Variants in DLAT observed in about 807,000 individuals in gnomAD.
DLAT encodes the protein dihydrolipoamide S-acetyltransferase.
DLAT carries 43 observed loss-of-function variants against 68.0 expected under a neutral mutation model. The observed-to-expected ratio is 0.63, with a 90% CI of 0.50 to 0.81. DLAT has a LOEUF of 0.81. Among genes scored for constraint, DLAT ranks in the 40% least tolerant of loss-of-function variants. The pLI is 0.00. For missense variants in DLAT, 745 were observed against 815.4 expected (o/e 0.91, Z 1.05); for synonymous variants, 265 against 288.6 (o/e 0.92, Z 0.83).
At chr11:112,029,888 G>A in intron 4 of DLAT, 1 of 656,302 alleles carries the variant, frequency 1.5e-6, no homozygotes, top group East Asian at 3.9e-5. Context: ...TATTGTTGGG[G>A]CCTGTGGGAA....
chr11:112,040,168 G>A (rs1862977572), intron 7 of DLAT, among the ~76,000 whole-genome samples: 2 of 152,114 alleles, frequency 1.3e-5, no homozygotes, highest in Non-Finnish European at 2.9e-5. Context: ...GCTTAAATAA[G>A]TTTTTTTGAA....
At chr11:112,054,242 G>T (rs1459557294) in intron 11 of DLAT, among the ~76,000 whole-genome samples, 2 of 152,126 alleles carry the variant, frequency 1.3e-5, no homozygotes, top group Admixed American at 1.3e-4. Flanking sequence ...CTTGAACCTG[G>T]GAGGCGGAGG....
At chr11:112,049,842 G>A (rs1863517016) in intron 10 of DLAT, among the ~76,000 whole-genome samples, 1 of 152,156 alleles carries the variant, frequency 6.6e-6, no homozygotes, top group Non-Finnish European at 1.5e-5. Context: ...TGCAAATAGA[G>A]ATAATTTTAC....
At chr11:112,053,485 T>C (rs112026963) in intron 11 of DLAT, among the ~76,000 whole-genome samples, 12,595 of 152,148 alleles carry the variant, frequency 0.083, 1,552 homozygotes, top group African/African-American at 0.26. Flanking sequence ...CAGAGTCTCT[T>C]TCTGTCGCCT....
chr11:112,058,792 G>C (rs1490586622), intron 11 of DLAT, among the ~76,000 whole-genome samples: 1 of 151,640 alleles, frequency 6.6e-6, no homozygotes, highest in African/African-American at 2.4e-5. Flanking sequence ...ATGTTATTTT[G>C]TTCATCCCTG....
intron 7 of DLAT, 122 bp downstream of exon 7, chr11:112,039,519 TA>T: frequency 9.8e-7 from 1 of 1,024,184 alleles, no homozygotes; most frequent in Admixed American, 1.9e-5. Flanking sequence ...GGACAATCAT[TA>T]ATAATTCCTT....
intron 4 of DLAT, chr11:112,032,488 A>G (rs1003188557): frequency 1.3e-5 from 2 of 151,906 alleles, no homozygotes; most frequent in East Asian, 1.9e-4. Flanking sequence ...TCACCAAATA[A>G]TGTTTTTTTT....
intron 12 of DLAT, among the ~76,000 whole-genome samples, chr11:112,060,391 A>G (rs1445572789): frequency 5.3e-5 from 8 of 151,472 alleles, no homozygotes; most frequent in African/African-American, 1.7e-4. Flanking sequence ...TGATCTCCTG[A>G]CCTTGTGATC....
At chr11:112,038,845 CAAAT>C (rs1862905460) in intron 6 of DLAT, among the ~76,000 whole-genome samples, 1 of 133,876 alleles carries the variant, frequency 7.5e-6, no homozygotes, top group Non-Finnish European at 1.6e-5. Context: ...GACTCTGTCT[CAAAT>C]AAAAAGAAAA....
intron 12 of DLAT, among the ~76,000 whole-genome samples, chr11:112,060,775 A>G (rs1186924925): frequency 1.3e-5 from 2 of 152,064 alleles, no homozygotes; most frequent in Non-Finnish European, 2.9e-5. Context: ...CTGCCACGTA[A>G]CTCTTATTGA....
chr11:112,040,192 A>C (rs1174475827), intron 7 of DLAT, among the ~76,000 whole-genome samples: 3 of 152,178 alleles, frequency 2.0e-5, no homozygotes, highest in Non-Finnish European at 2.9e-5. Flanking sequence ...AACTTAAGCT[A>C]AAATTTAGTG....
At chr11:112,031,408 T>C (rs1204286334) in intron 4 of DLAT, among the ~76,000 whole-genome samples, 1 of 152,056 alleles carries the variant, frequency 6.6e-6, no homozygotes, top group Non-Finnish European at 1.5e-5. Flanking sequence ...TTACCCCTGG[T>C]TTTTTATTTT....
In DLAT at chr11:112,051,705, T is replaced by G. The variant is rs1863646111; in HGVS notation, c.1514+356T>G. Among the ~76,000 whole-genome samples the G allele has an allele frequency of 6.6e-6, 1 of 152,138 alleles. No individual in the cohort carries two copies. Among genetic ancestry groups the G allele is most frequent in the Non-Finnish European group, 1.5e-5 (1 of 68,020 alleles). ...CTGGGATTTCAGGTGTGAGCCACAG[T>G]GTCCAGCCTGCGATATTGCTGGATT... On this transcript the variant is annotated intron_variant, in intron 11 of 13. Transcript: ENST00000280346. This position sits in a 1 kb window ranked among gnomAD's most constrained non-coding sequence, Gnocchi z 4.3.
chr11:112,059,850 C>T lies in DLAT; in HGVS notation c.1515-53C>T, dbSNP rs1452636290. ...ATAAATATTCTTGCTTAACCTGGCA[C>T]ACAGGCTCTTAATAAACAGTTTTTT... is the stretch of plus-strand genomic sequence containing the variant. On this transcript the variant is annotated intron_variant, in intron 11 of 13. Transcript: ENST00000280346. The T allele has an allele frequency of 4.1e-6, 6 of 1,447,582 alleles. 1 individual carries two copies. Among genetic ancestry groups the T allele is most frequent in the South Asian group, 2.6e-5 (2 of 76,460 alleles). 89.7% of individuals were successfully genotyped at this position (1,447,582 alleles called of 1,614,324 possible).
chr11:112,041,798 C>T lies in DLAT; in HGVS notation c.1130-1668C>T, dbSNP rs587640481. Among the ~76,000 whole-genome samples the T allele has an allele frequency of 1.2e-3, 184 of 151,964 alleles. 1 individual carries two copies. Among genetic ancestry groups the T allele is most frequent in the African/African-American group, 3.9e-3 (161 of 41,452 alleles). ...TCGGGAGGCTGAGGCAGGAGAATGGCGTGAACCTGGGAGGCCAAACTTGCA... is the reference window on the plus strand; with the variant it reads ...TCGGGAGGCTGAGGCAGGAGAATGGTGTGAACCTGGGAGGCCAAACTTGCA... On this transcript the variant is annotated intron_variant, in intron 7 of 13. Coordinates refer to ENST00000280346, the MANE Select transcript of DLAT (RefSeq NM_001931.5).
chr11:112,048,200 A>G (rs1863426220), intron 10 of DLAT, among the ~76,000 whole-genome samples: 1 of 152,074 alleles, frequency 6.6e-6, no homozygotes, highest in South Asian at 2.1e-4. Context: ...TGTAAGTTGT[A>G]TTCCTAGGTA....
intron 4 of DLAT, chr11:112,030,337 G>A (rs1047977209): frequency 6.1e-6 from 3 of 489,952 alleles, no homozygotes; most frequent in Non-Finnish European, 4.1e-6. Context: ...AACACCATGG[G>A]GTTAGCAGGG....
intron 4 of DLAT, chr11:112,030,007 C>T: frequency 1.9e-6 from 2 of 1,042,038 alleles, no homozygotes; most frequent in Non-Finnish European, 2.9e-6. Flanking sequence ...AACTGACAGC[C>T]ATTTGTACTG....
chr11:112,062,516 C>G lies in DLAT; in HGVS notation c.1925C>G (p.Pro642Arg), dbSNP rs781960252. Residue 642 changes from proline to arginine, a missense_variant, in exon 14 of 14, where the codon CCT (proline) becomes CGT (arginine). Transcript: ENST00000280346. ...LAEFRKYLEK[P>R]ITMLL ...GAGTTTAGAAAGTACCTTGAAAAAC[C>G]TATCACTATGTTGTTGTAACTAACT... 3.7e-6 allele frequency: 6 copies of G among 1,612,478 alleles called. No individual in the cohort carries two copies. In the South Asian group the frequency reaches 6.6e-5, roughly 18 times the overall value.
Sources: allele counts gnomAD v4.1 joint callset (sites outside exome capture counted in the v4.1 genomes callset), GRCh38; gene constraint gnomAD v4.1.1; non-coding constraint Gnocchi (gnomAD v3.1); transcripts MANE v1.5; gene names NCBI Gene and HGNC (gene_info 2026-07-23, HGNC 2026-07-21).